Variants in SAP130 observed in about 807,000 individuals in gnomAD.
SAP130 encodes the protein Sin3A associated protein 130, also known as histone deacetylase complex subunit SAP130.
A neutral mutation model predicts 103.2 loss-of-function variants in SAP130; 16 were observed. The observed-to-expected ratio is 0.16, with a 90% CI of 0.10 to 0.24. The LOEUF (loss-of-function observed/expected upper bound fraction) is 0.24, where lower values mean the gene tolerates loss of function less well. SAP130 is among the 10% of genes least tolerant of loss of function. SAP130 has a pLI of 1.00. For synonymous variants in SAP130, 477 were observed against 497.0 expected, an observed-to-expected ratio of 0.96 and a Z score of 0.53; for missense variants, 990 against 1,359.7, an observed-to-expected ratio of 0.73 and a Z score of 4.28.
In SAP130 at chr2:127,942,302, G is replaced by T; in HGVS notation, c.3015+122C>A. ...TGTCTTTTTGTTTCTCAGGAGTGCAGGCTGAAGCACGTATGTTTTTACTGA... is the reference window on the plus strand; with the variant it reads ...TGTCTTTTTGTTTCTCAGGAGTGCATGCTGAAGCACGTATGTTTTTACTGA... On this transcript the variant is annotated intron_variant, in intron 20 of 20. Transcript: ENST00000643581. The surrounding 1 kb of genome is among the most constrained non-coding windows in gnomAD (Gnocchi z 4.8). 1 of 1,091,344 alleles carries T rather than the reference G, an allele frequency of 9.2e-7. No individual in the cohort carries two copies. The highest frequency in any genetic ancestry group is 1.4e-6 in the Non-Finnish European group (1 of 734,246). The allele number at this position is 1,091,344 out of a possible 1,614,324, so 67.6% of individuals were successfully genotyped here.
At position 128,019,503 on chromosome 2, in the gene SAP130, G is replaced by A. The variant is rs547556316; in HGVS notation, c.113-1588C>T. Among the ~76,000 whole-genome samples the A allele has an allele frequency of 1.8e-4, 27 of 152,244 alleles. No homozygotes were observed. In the South Asian group the frequency reaches 5.0e-3, roughly 28 times the overall value. On this transcript the variant is annotated intron_variant, in intron 2 of 20. Transcript: ENST00000643581. Reference sequence around the variant, plus strand: ...GGTCTGGTCTTGAATACCTGGGATCGAGTGTTCCTCCCACCTCTGGCCTCC... The same window carrying A: ...GGTCTGGTCTTGAATACCTGGGATCAAGTGTTCCTCCCACCTCTGGCCTCC...
At chr2:128,027,140 C>G in intron 1 of SAP130, 1 of 1,375,096 alleles carries the variant, frequency 7.3e-7, no homozygotes, top group South Asian at 1.8e-5. Context: ...TCTCGCCGGC[C>G]TGGGGGTGCC....
At chr2:127,978,198 A>G (rs2104923791) in intron 14 of SAP130, 109 bp from the exon 15 acceptor site, 8 of 730,836 alleles carry the variant, frequency 1.1e-5, no homozygotes, top group Non-Finnish European at 1.7e-5. Context: ...ATAAAGCCCT[A>G]CATTGACTAA....
intron 10 of SAP130, among the ~76,000 whole-genome samples, chr2:127,999,332 C>G (rs1241223158): frequency 6.6e-6 from 1 of 152,112 alleles, no homozygotes; most frequent in Non-Finnish European, 1.5e-5. Context: ...CTTATCTCAG[C>G]TGAGTGCGGT....
At chr2:128,006,652 C>T (rs1025106036) in intron 7 of SAP130, among the ~76,000 whole-genome samples, 9 of 152,142 alleles carry the variant, frequency 5.9e-5, no homozygotes, top group Non-Finnish European at 8.8e-5. Context: ...CATGGTGGCA[C>T]GTGCCCGTAG....
At chr2:127,991,249 C>CA (rs745520683) in intron 12 of SAP130, among the ~76,000 whole-genome samples, 3 of 150,304 alleles carry the variant, frequency 2.0e-5, no homozygotes, top group Non-Finnish European at 3.0e-5. Flanking sequence ...AACTCCGTCT[C>CA]AAAAAAAAAG....
At chr2:127,964,064 G>C (rs1680460212) in intron 15 of SAP130, among the ~76,000 whole-genome samples, 1 of 152,206 alleles carries the variant, frequency 6.6e-6, no homozygotes, top group African/African-American at 2.4e-5. Flanking sequence ...GAGCATAGTG[G>C]TATGTGCCTG....
chr2:127,993,241 C>T lies in SAP130; in HGVS notation c.1423G>A (p.Ala475Thr). The change falls in exon 12 of 21, where the codon GCA becomes ACA. Residue 475 changes from alanine (A) to threonine (T), a missense_variant. By Grantham distance (58) the Ala-to-Thr change is moderately conservative. Around this residue, in one of 6 missense-constraint regions of SAP130, gnomAD observed 336 missense variants for 520.1 expected, o/e 0.65. Coordinates refer to ENST00000643581, the MANE Select transcript of SAP130 (RefSeq NM_001330301.2). ...CTGGTGATTGGGGTGTAGGTATGTG[C>T]CGCCAGTGGGTATGCAGAAGGGGGG... is the stretch of plus-strand genomic sequence containing the variant. ...TYPPSAYPLA[A>T]HTYTPITSSV... is the part of the protein sequence containing the mutation. The T allele has an allele frequency of 6.2e-7, 1 of 1,613,826 alleles. No homozygotes were observed. Among genetic ancestry groups the T allele is most frequent in the Non-Finnish European group, 8.5e-7 (1 of 1,179,886 alleles).
chr2:127,958,005 A>C (rs1438392134), intron 15 of SAP130, among the ~76,000 whole-genome samples: 1 of 152,246 alleles, frequency 6.6e-6, no homozygotes. Flanking sequence ...CAGACTGAAG[A>C]GACCACTGAG....
At chr2:128,024,715 A>G (rs1385234988) in intron 2 of SAP130, among the ~76,000 whole-genome samples, 1 of 66,506 alleles carries the variant, frequency 1.5e-5, no homozygotes, top group African/African-American at 7.0e-5. Flanking sequence ...TAAAAATGCG[A>G]AAAAAAAAAA....
At chr2:127,954,479 T>C (rs1679695993) in intron 16 of SAP130, among the ~76,000 whole-genome samples, 1 of 152,026 alleles carries the variant, frequency 6.6e-6, no homozygotes, top group African/African-American at 2.4e-5. Context: ...CTCAAGTGAC[T>C]TGACTTTCTC....
chr2:127,963,864 A>G (rs979436116), intron 15 of SAP130, among the ~76,000 whole-genome samples: 1 of 152,354 alleles, frequency 6.6e-6, no homozygotes, highest in African/African-American at 2.4e-5. Flanking sequence ...CCCCAGCCAC[A>G]TAAATTTATG....
At chr2:127,993,593 C>T (rs1284777997) in intron 11 of SAP130, among the ~76,000 whole-genome samples, 1 of 152,062 alleles carries the variant, frequency 6.6e-6, no homozygotes, top group Non-Finnish European at 1.5e-5. Context: ...CACAAAATCT[C>T]AGTAATCAAA....
At chr2:128,011,021 C>T (rs2105168140) in intron 6 of SAP130, among the ~76,000 whole-genome samples, 1 of 150,692 alleles carries the variant, frequency 6.6e-6, no homozygotes, top group South Asian at 2.1e-4. Flanking sequence ...TGATTGGAGT[C>T]AAAATTCTGC....
At chr2:127,965,030 C>T (rs1292980999) in intron 15 of SAP130, among the ~76,000 whole-genome samples, 2 of 143,848 alleles carry the variant, frequency 1.4e-5, no homozygotes, top group Non-Finnish European at 3.0e-5. Context: ...GGTGTGGTGG[C>T]TCATGCCTGT....
rs1398533690 is a variant in SAP130, at chr2:127,982,303, G to A, written c.1959-4214C>T. Among the ~76,000 whole-genome samples the A allele has an allele frequency of 7.9e-5, 12 of 152,234 alleles. No individual in the cohort carries two copies. In the East Asian group the frequency reaches 1.2e-3, roughly 15 times the overall value. Reference sequence around the variant, plus strand: ...CTACTAACAAGAAAAAGCTGAGGCCGTAGGAGAGAGGGGGAGAAGAACTAG... The same window carrying A: ...CTACTAACAAGAAAAAGCTGAGGCCATAGGAGAGAGGGGGAGAAGAACTAG... On this transcript the variant is annotated intron_variant, in intron 14 of 20. Coordinates refer to ENST00000643581, the MANE Select transcript of SAP130 (RefSeq NM_001330301.2).
At chr2:127,958,504 A>G (rs1679997526) in intron 15 of SAP130, among the ~76,000 whole-genome samples, 1 of 152,246 alleles carries the variant, frequency 6.6e-6, no homozygotes, top group Non-Finnish European at 1.5e-5. Context: ...AACACATAAG[A>G]TATAAAGATC....
intron 2 of SAP130, among the ~76,000 whole-genome samples, chr2:128,019,042 T>C (rs2105224273): frequency 6.7e-6 from 1 of 150,242 alleles, no homozygotes; most frequent in South Asian, 2.1e-4. Context: ...GAGGCTGCAG[T>C]GAGCTGAGAT....
intron 2 of SAP130, among the ~76,000 whole-genome samples, chr2:128,019,090 G>T (rs953117840): frequency 5.3e-5 from 8 of 151,316 alleles, no homozygotes; most frequent in African/African-American, 1.9e-4. Flanking sequence ...CAAGAGTGAG[G>T]CTCCATCTCA....
Sources: gnomAD v4.1 joint callset for allele counts (sites outside exome capture counted in the v4.1 genomes callset) on GRCh38, gnomAD v4.1.1 for gene constraint, gnomAD v4.1.1 regional missense constraint, Gnocchi (gnomAD v3.1) non-coding constraint, MANE v1.5 for transcripts, NCBI Gene and HGNC (gene_info 2026-07-23, HGNC 2026-07-21) for gene names.